GRM7: variants seen among roughly 807,000 people sequenced by gnomAD.
GRM7 encodes the protein metabotropic glutamate receptor 7.
Under a neutral mutation model 84.5 loss-of-function variants are expected in GRM7, and 35 were observed. The observed-to-expected ratio is 0.41, with a 90% CI of 0.32 to 0.55. The LOEUF (loss-of-function observed/expected upper bound fraction) is 0.55. Among genes scored for constraint, GRM7 ranks in the 20% least tolerant of loss-of-function variants. The pLI is 0.19. For synonymous variants in GRM7, 487 were observed against 455.1 expected (o/e 1.07, Z -0.89); for missense variants, 1,003 against 1,194.6 (o/e 0.84, Z 2.36).
At chr3:7,648,073 G>A (rs1698736979) in intron 8 of GRM7, among the ~76,000 whole-genome samples, 1 of 152,048 alleles carries the variant, frequency 6.6e-6, no homozygotes. Flanking sequence ...AGAGGCCCTA[G>A]ATGTAAACCA....
At chr3:7,546,344 C>A (rs920205315) in intron 7 of GRM7, among the ~76,000 whole-genome samples, 1 of 152,156 alleles carries the variant, frequency 6.6e-6, no homozygotes, top group African/African-American at 2.4e-5. Flanking sequence ...GGACACCTGA[C>A]CATGGCAGTA....
intron 9 of GRM7, among the ~76,000 whole-genome samples, chr3:7,705,151 G>A (rs962966754): frequency 2.0e-5 from 3 of 151,986 alleles, no homozygotes; most frequent in African/African-American, 7.2e-5. Context: ...CTTCACCTTG[G>A]CCAACTCTCC....
At chr3:6,998,062 T>C (rs964103868) in intron 1 of GRM7, among the ~76,000 whole-genome samples, 62 of 132,326 alleles carry the variant, frequency 4.7e-4, no homozygotes, top group African/African-American at 1.8e-3. Flanking sequence ...GAGGTTGCAG[T>C]GAGCCAAGAT....
At chr3:7,609,329 G>C (rs527628688) in intron 8 of GRM7, among the ~76,000 whole-genome samples, 1 of 152,104 alleles carries the variant, frequency 6.6e-6, no homozygotes, top group East Asian at 1.9e-4. Context: ...AGGAAAGTGG[G>C]GTCCATAAAT....
rs1021980387 is a variant in GRM7 at position 7,338,050 on chromosome 3, AATAT to A, written c.1033+31405_1033+31408del. On this transcript the variant is annotated intron_variant, in intron 4 of 9. Coordinates refer to ENST00000357716, the MANE Select transcript of GRM7 (RefSeq NM_000844.4). ...ATAAAGAAAATGTGGGATATATATA[AATAT>A]ATATATCCCCCCTTAAAGCATACAT... Among the ~76,000 whole-genome samples, 4 of 151,026 alleles carry A rather than the reference AATAT, an allele frequency of 2.6e-5. No individual in the cohort carries two copies. In the East Asian group the frequency reaches 7.8e-4, roughly 29 times the overall value.
At chr3:7,301,452 A>G (rs985872416) in intron 3 of GRM7, among the ~76,000 whole-genome samples, 1 of 152,038 alleles carries the variant, frequency 6.6e-6, no homozygotes, top group African/African-American at 2.4e-5. Flanking sequence ...CCCATTTTAC[A>G]CTTTTGCTAA....
chr3:7,036,967 G>T (rs1176749330), intron 1 of GRM7, among the ~76,000 whole-genome samples: 1 of 152,214 alleles, frequency 6.6e-6, no homozygotes, highest in African/African-American at 2.4e-5. Flanking sequence ...GACATAATGA[G>T]TGATTAATGG....
chr3:7,350,365 C>T (rs1342116624), intron 4 of GRM7, among the ~76,000 whole-genome samples: 1 of 151,926 alleles, frequency 6.6e-6, no homozygotes. Context: ...CACCATCCTT[C>T]TTGGTGCTAT....
chr3:7,680,351 G>C (rs1186984350), intron 9 of GRM7, 56 bp downstream of exon 9: 4 of 1,577,524 alleles, frequency 2.5e-6, no homozygotes, highest in Non-Finnish European at 3.5e-6. Context: ...AGCTCTAGAA[G>C]ATGTGGGGTG....
intron 7 of GRM7, among the ~76,000 whole-genome samples, chr3:7,463,961 G>T (rs533963983): frequency 5.3e-5 from 8 of 152,194 alleles, no homozygotes; most frequent in Non-Finnish European, 1.2e-4. Flanking sequence ...GGCAAAAGTA[G>T]CAGCAGAAAG....
chr3:7,216,472 T>C (rs1032475563), intron 2 of GRM7, among the ~76,000 whole-genome samples: 2 of 152,218 alleles, frequency 1.3e-5, no homozygotes, highest in Non-Finnish European at 1.5e-5. Context: ...CCCAAACTGA[T>C]AACTGAATAT....
chr3:7,090,944 TAAAA>T (rs1471133725), intron 1 of GRM7, among the ~76,000 whole-genome samples: 5 of 152,048 alleles, frequency 3.3e-5, no homozygotes, highest in South Asian at 2.1e-4. Context: ...GAAAATTACA[TAAAA>T]AGAAAGAAAT....
intron 7 of GRM7, among the ~76,000 whole-genome samples, chr3:7,543,818 G>A (rs1392671803): frequency 6.6e-6 from 1 of 152,194 alleles, no homozygotes; most frequent in Non-Finnish European, 1.5e-5. Context: ...GTACAAGTCT[G>A]GGGATGGTGC....
At chr3:7,405,381 T>G (rs567531548) in intron 4 of GRM7, among the ~76,000 whole-genome samples, 1 of 152,256 alleles carries the variant, frequency 6.6e-6, no homozygotes, top group South Asian at 2.1e-4. Context: ...CTTGTACATA[T>G]TTTGGGGTAC....
chr3:7,705,304 G>A (rs948163209), intron 9 of GRM7, among the ~76,000 whole-genome samples: 3 of 152,066 alleles, frequency 2.0e-5, no homozygotes, highest in East Asian at 1.9e-4. Context: ...TTACTCATTC[G>A]AATTAAAATT....
intron 1 of GRM7, among the ~76,000 whole-genome samples, chr3:6,982,168 C>T (rs1047600839): frequency 4.1e-4 from 62 of 152,174 alleles, no homozygotes; most frequent in African/African-American, 1.4e-3. Flanking sequence ...AGCTGGAGGT[C>T]ATTGTCCTAA....
chr3:7,280,433 T>G (rs1439870236), intron 2 of GRM7, among the ~76,000 whole-genome samples: 1 of 152,204 alleles, frequency 6.6e-6, no homozygotes, highest in Non-Finnish European at 1.5e-5. Flanking sequence ...TTAGAGCAAG[T>G]TCTGGAACCA....
At chr3:7,650,993 T>C (rs1698910155) in intron 8 of GRM7, among the ~76,000 whole-genome samples, 1 of 152,228 alleles carries the variant, frequency 6.6e-6, no homozygotes, top group Non-Finnish European at 1.5e-5. Context: ...ACCCCAGCTC[T>C]GACTGTAACT....
intron 9 of GRM7, chr3:7,681,726 T>C (rs1025636259): frequency 6.6e-6 from 1 of 152,140 alleles, no homozygotes; most frequent in East Asian, 1.9e-4. Context: ...GGAAGAGGCT[T>C]TGGGTTGAGA....
Sources: allele counts gnomAD v4.1 joint callset (sites outside exome capture counted in the v4.1 genomes callset), GRCh38; gene constraint gnomAD v4.1.1; transcripts MANE v1.5; gene names NCBI Gene and HGNC (gene_info 2026-07-23, HGNC 2026-07-21).